Variants in APC observed in about 807,000 individuals in gnomAD.
APC encodes the protein adenomatous polyposis coli protein.
In APC, 72 loss-of-function variants were observed where a neutral mutation model predicts 247.0. The observed-to-expected ratio is 0.29, with a 90% CI of 0.24 to 0.35. The LOEUF is 0.35. Among genes scored for constraint, APC ranks in the 10% least tolerant of loss-of-function variants. The probability of loss-of-function intolerance (pLI) is 1.00; values close to 1 mark genes in which losing one functional copy is unlikely to be tolerated. For missense variants in APC, 3,400 were observed against 3,360.7 expected, an observed-to-expected ratio of 1.01 and a Z score of -0.29; for synonymous variants, 1,254 against 1,162.5, an observed-to-expected ratio of 1.08 and a Z score of -1.60.
At chr5:112,743,464 C>T (rs566910709) in intron 1 of APC, among the ~76,000 whole-genome samples, 8 of 152,124 alleles carry the variant, frequency 5.3e-5, no homozygotes, top group African/African-American at 1.4e-4. Flanking sequence ...TTTACTTTTG[C>T]GAATGTGTGT....
At chr5:112,794,751 C>T (rs77118364) in intron 7 of APC, among the ~76,000 whole-genome samples, 2 of 152,330 alleles carry the variant, frequency 1.3e-5, no homozygotes, top group African/African-American at 4.8e-5. Flanking sequence ...TGAGTATCTC[C>T]AAGCCACTCA....
intron 1 of APC, among the ~76,000 whole-genome samples, chr5:112,725,679 T>G (rs1011832239): frequency 6.6e-6 from 1 of 152,082 alleles, no homozygotes; most frequent in Non-Finnish European, 1.5e-5. Flanking sequence ...GAGGATCACC[T>G]GAGCCCAGGA....
chr5:112,840,371 A>G lies in APC; in HGVS notation c.4777A>G (p.Lys1593Glu), dbSNP rs780332336. ...MPTKSSRKAKKPAQTASKLPP... is the reference protein window; with the variant it reads ...MPTKSSRKAKEPAQTASKLPP... ...AACAAAGTCATCACGTAAAGCAAAA[A>G]AGCCAGCCCAGACTGCTTCAAAATT... Residue 1593 changes from lysine (K) to glutamate (E), a missense_variant, in exon 16 of 16, where the codon AAG becomes GAG. This residue lies in a region of APC where 1,788 missense variants were observed against 1,649.5 expected (regional missense o/e 1.08). Coordinates refer to ENST00000257430, the MANE Select transcript of APC (RefSeq NM_000038.6). The surrounding 1 kb of genome is among the most constrained non-coding windows in gnomAD (Gnocchi z 4.1). 6.2e-7 allele frequency: 1 copy of G among 1,614,086 alleles called. No individual in the cohort carries two copies. The highest frequency in any genetic ancestry group is 8.5e-7 in the Non-Finnish European group (1 of 1,180,032).
rs77618087 is a variant in APC at position 112,823,052 on chromosome 5, A to T, written c.1408+1061A>T. Among the ~76,000 whole-genome samples the T allele has an allele frequency of 0.026, 3,939 of 152,244 alleles. 93 individuals are homozygous for T. The highest frequency in any genetic ancestry group is 0.054 in the African/African-American group (2,226 of 41,560). On this transcript the variant is annotated intron_variant, in intron 11 of 15. Transcript: ENST00000257430. Reference sequence around the variant, plus strand: ...CCTGGTCTCCTGTGGATTCTCAGTTAATCTTATGAATTCTCCCCTCGTTAA... The same window carrying T: ...CCTGGTCTCCTGTGGATTCTCAGTTTATCTTATGAATTCTCCCCTCGTTAA...
chr5:112,733,307 G>C (rs1309225028), upstream of APC, among the ~76,000 whole-genome samples: 1 of 152,156 alleles, frequency 6.6e-6, no homozygotes, highest in Non-Finnish European at 1.5e-5. Flanking sequence ...GTGACAAAAG[G>C]GAATTAAAAT....
intron 4 of APC, among the ~76,000 whole-genome samples, chr5:112,774,377 A>G (rs1580354064): frequency 6.6e-6 from 1 of 152,122 alleles, no homozygotes; most frequent in African/African-American, 2.4e-5. Context: ...TATAATAGAA[A>G]TATTCCAAAA....
intron 8 of APC, among the ~76,000 whole-genome samples, chr5:112,803,036 G>T (rs1293785890): frequency 6.6e-6 from 1 of 151,984 alleles, no homozygotes; most frequent in East Asian, 1.9e-4. Context: ...ATGGAAAGAT[G>T]GTCAACTTTA....
intron 1 of APC, among the ~76,000 whole-genome samples, chr5:112,711,146 G>T (rs368014639): frequency 2.1e-4 from 32 of 152,344 alleles, no homozygotes; most frequent in African/African-American, 6.7e-4. Flanking sequence ...GAGGTGAGCA[G>T]CAGGGGAGCA....
intron 4 of APC, among the ~76,000 whole-genome samples, chr5:112,774,999 T>G (rs1374794618): frequency 6.6e-6 from 1 of 152,226 alleles, no homozygotes; most frequent in Non-Finnish European, 1.5e-5. Flanking sequence ...TCTTGAGTTT[T>G]ATCCCTGTAA....
chr5:112,827,149 G>C lies in APC; in HGVS notation c.1450G>C (p.Glu484Gln), dbSNP rs730881237. ...TGCAGAATTATTGCAAGTGGACTGT[G>C]AAATGTATGGGCTTACTAATGACCA... Reference protein sequence around the residue: ...AIAELLQVDCEMYGLTNDHYS... With the variant: ...AIAELLQVDCQMYGLTNDHYS... Residue 484 changes from glutamate to glutamine, a missense_variant, in exon 12 of 16, where the codon GAA (glutamate) becomes CAA (glutamine). Around this residue, in one of 9 missense-constraint regions of APC, gnomAD observed 199 missense variants for 212.5 expected, o/e 0.94. Transcript: ENST00000257430. 3.1e-6 allele frequency: 5 copies of C among 1,613,736 alleles called. No homozygotes were observed. The highest frequency in any genetic ancestry group is 4.2e-6 in the Non-Finnish European group (5 of 1,179,806).
rs730881249 is a variant in APC at position 112,839,667 on chromosome 5, C to A, written c.4073C>A (p.Ala1358Glu). 1 of 1,614,084 alleles carries A rather than the reference C, an allele frequency of 6.2e-7. No individual in the cohort carries two copies. Among genetic ancestry groups the A allele is most frequent in the Non-Finnish European group, 8.5e-7 (1 of 1,180,014 alleles). Residue 1358 changes from alanine to glutamate, a missense_variant, in exon 16 of 16, where the codon GCG (alanine) becomes GAG (glutamate). Physicochemically the swap from Ala to Glu is moderately radical, Grantham distance 107. Around this residue, in one of 9 missense-constraint regions of APC, gnomAD observed 715 missense variants for 656.6 expected, o/e 1.09. Transcript: ENST00000257430. The surrounding 1 kb of genome is among the most constrained non-coding windows in gnomAD (Gnocchi z 5.0). ...AAAGCTGTTGAATTTTCTTCAGGAG[C>A]GAAATCTCCCTCCAAAAGTGGTGCT... is the stretch of plus-strand genomic sequence containing the variant. ...RHKAVEFSSG[A>E]KSPSKSGAQT...
chr5:112,750,311 G>A (rs1754196054), intron 1 of APC, among the ~76,000 whole-genome samples: 1 of 152,110 alleles, frequency 6.6e-6, no homozygotes, highest in Admixed American at 6.5e-5. Flanking sequence ...TAAAAAGGAA[G>A]GCTTACCACC....
At chr5:112,781,601 A>T (rs1239458634) in intron 6 of APC, among the ~76,000 whole-genome samples, 1 of 152,174 alleles carries the variant, frequency 6.6e-6, no homozygotes, top group East Asian at 1.9e-4. Flanking sequence ...TTAAGTAAAT[A>T]TAGCAAATAA....
chr5:112,707,716 C>T lies in APC; in HGVS notation c.-2C>T, dbSNP rs1395970563. 5.1e-6 allele frequency: 7 copies of T among 1,370,532 alleles called. No individual in the cohort carries two copies. The highest frequency in any genetic ancestry group is 3.4e-5 in the East Asian group (1 of 29,412). 84.9% of individuals were successfully genotyped at this position (1,370,532 alleles called of 1,614,324 possible). A position where few individuals can be genotyped will look rare whatever the true frequency, so the allele number is the denominator to read the frequency against. Reference sequence around the variant, plus strand: ...TTGCCTTCTCGGGCCTCGGCGCCCCCTATGTACGCCTCCCTGGGCTCGGGT... The same window carrying T: ...TTGCCTTCTCGGGCCTCGGCGCCCCTTATGTACGCCTCCCTGGGCTCGGGT... On this transcript the variant is annotated 5_prime_UTR_variant, in exon 1 of 14. Transcript: ENST00000507379.
chr5:112,802,288 A>G (rs1760911275), intron 8 of APC, among the ~76,000 whole-genome samples: 1 of 152,138 alleles, frequency 6.6e-6, no homozygotes, highest in Non-Finnish European at 1.5e-5. Flanking sequence ...GTTAAAACAA[A>G]CATACTTCAT....
chr5:112,815,818 C>T (rs1031144836), intron 9 of APC, among the ~76,000 whole-genome samples: 1 of 152,170 alleles, frequency 6.6e-6, no homozygotes, highest in Non-Finnish European at 1.5e-5. Flanking sequence ...CACCTGTGGT[C>T]CCAGCTACTC....
At chr5:112,832,157 A>G (rs1764364802) in intron 14 of APC, among the ~76,000 whole-genome samples, 1 of 152,156 alleles carries the variant, frequency 6.6e-6, no homozygotes, top group Non-Finnish European at 1.5e-5. Flanking sequence ...TCTAATTTGA[A>G]CTATAAAAAC....
At chr5:112,745,557 A>G (rs974431245) in intron 1 of APC, among the ~76,000 whole-genome samples, 1 of 147,766 alleles carries the variant, frequency 6.8e-6, no homozygotes, top group African/African-American at 2.5e-5. Flanking sequence ...CTTTATTATT[A>G]TTATTATTAT....
At chr5:112,742,243 T>C (rs906193332) in intron 1 of APC, among the ~76,000 whole-genome samples, 11 of 152,256 alleles carry the variant, frequency 7.2e-5, no homozygotes, top group African/African-American at 2.7e-4. Flanking sequence ...CTCTGCTCTA[T>C]AGTATTCTAT....
Sources: allele counts gnomAD v4.1 joint callset (sites outside exome capture counted in the v4.1 genomes callset), GRCh38; gene constraint gnomAD v4.1.1; regional missense constraint gnomAD v4.1.1; non-coding constraint Gnocchi (gnomAD v3.1); transcripts MANE v1.5; gene names NCBI Gene and HGNC (gene_info 2026-07-23, HGNC 2026-07-21).